ULK4: variants seen among roughly 807,000 people sequenced by gnomAD.
ULK4 encodes the protein inactive serine/threonine-protein kinase ULK4.
In ULK4, 133 loss-of-function variants were observed where a neutral mutation model predicts 160.6. The observed-to-expected ratio is 0.83, with a 90% confidence interval of 0.72 to 0.96. The LOEUF is 0.96. ULK4 is among the 40% of genes least tolerant of loss of function. The probability of loss-of-function intolerance (pLI) is 0.00; values close to 1 mark genes in which losing one functional copy is unlikely to be tolerated. For missense variants in ULK4, 1,580 were observed against 1,499.5 expected (o/e 1.05, Z -0.89); for synonymous variants, 534 against 539.8 (o/e 0.99, Z 0.15).
At chr3:41,820,037 G>T (rs1434805666) in intron 18 of ULK4, among the ~76,000 whole-genome samples, 1 of 152,052 alleles carries the variant, frequency 6.6e-6, no homozygotes, top group Non-Finnish European at 1.5e-5. Flanking sequence ...TTCTCTCCCA[G>T]AAGATTAACC....
chr3:41,279,407 C>G (rs142483918), intron 35 of ULK4, among the ~76,000 whole-genome samples: 2 of 152,262 alleles, frequency 1.3e-5, no homozygotes, highest in East Asian at 3.9e-4. Flanking sequence ...TCCAGTAGAA[C>G]TTCCCCAACC....
chr3:41,774,174 T>C (rs1422824926), intron 21 of ULK4, among the ~76,000 whole-genome samples: 118 of 152,196 alleles, frequency 7.8e-4, no homozygotes, highest in African/African-American at 2.4e-3. Flanking sequence ...AAGGACTTCA[T>C]GTCTAAAACA....
chr3:41,833,646 T>C (rs2041666113), intron 18 of ULK4, among the ~76,000 whole-genome samples: 1 of 152,156 alleles, frequency 6.6e-6, no homozygotes, highest in African/African-American at 2.4e-5. Context: ...CATTCATGAT[T>C]TGGCTCTCTG....
intron 35 of ULK4, among the ~76,000 whole-genome samples, chr3:41,267,979 C>T (rs1260959060): frequency 6.6e-6 from 1 of 152,190 alleles, no homozygotes; most frequent in African/African-American, 2.4e-5. Context: ...CTTCATGGCA[C>T]AGCCGACTAC....
chr3:41,323,774 G>C (rs184804382), intron 35 of ULK4, among the ~76,000 whole-genome samples: 256 of 152,142 alleles, frequency 1.7e-3, no homozygotes, highest in Non-Finnish European at 3.2e-3. Context: ...TGTTTCTATT[G>C]AGTCAACAGA....
At chr3:41,323,721 T>C (rs891214346) in intron 35 of ULK4, among the ~76,000 whole-genome samples, 3 of 151,896 alleles carry the variant, frequency 2.0e-5, no homozygotes, top group African/African-American at 7.3e-5. Flanking sequence ...TGCTTACAGA[T>C]GGAGTAAAAA....
At chr3:41,698,891 T>C (rs866774615) in intron 27 of ULK4, among the ~76,000 whole-genome samples, 1 of 152,186 alleles carries the variant, frequency 6.6e-6, no homozygotes, top group South Asian at 2.1e-4. Flanking sequence ...AGTGGAATCA[T>C]GGTATTTCGT....
At chr3:41,379,932 CTGAT>C (rs375293222) in intron 35 of ULK4, among the ~76,000 whole-genome samples, 38 of 152,212 alleles carry the variant, frequency 2.5e-4, no homozygotes, top group Middle Eastern at 3.4e-3. Context: ...CCCAGGAAGT[CTGAT>C]TGATTAGGGA....
intron 12 of ULK4, among the ~76,000 whole-genome samples, chr3:41,901,500 A>AT (rs1698362670): frequency 1.3e-4 from 1 of 7,582 alleles, no homozygotes; most frequent in Non-Finnish European, 1.8e-3. Flanking sequence ...TTTTTTTTTG[A>AT]GATAGAGTCT....
rs540577673 is a variant in ULK4, at chr3:41,610,621, T to G, written c.3120+5048A>C. On this transcript the variant is annotated intron_variant, in intron 31 of 36. Transcript: ENST00000301831. ...TCAAGGGTCCATAAAGAGACTCTTT[T>G]CTAAAAATACAGTTGACTTGAAAGA... Among the ~76,000 whole-genome samples the G allele has an allele frequency of 2.6e-5, 4 of 152,328 alleles. No homozygotes were observed. The South Asian group carries it at 8.3e-4, about 32-fold the overall frequency.
chr3:41,849,963 C>G (rs1224805976), intron 17 of ULK4, among the ~76,000 whole-genome samples: 1 of 152,076 alleles, frequency 6.6e-6, no homozygotes, highest in Non-Finnish European at 1.5e-5. Context: ...CCCTTCCCCT[C>G]CCCGCACCCC....
At chr3:41,903,240 A>T (rs951536193) in intron 12 of ULK4, among the ~76,000 whole-genome samples, 1 of 152,208 alleles carries the variant, frequency 6.6e-6, no homozygotes, top group African/African-American at 2.4e-5. Flanking sequence ...AGATAATATA[A>T]CTGAACATCC....
intron 21 of ULK4, among the ~76,000 whole-genome samples, chr3:41,776,575 G>A (rs1482648801): frequency 6.8e-6 from 1 of 146,496 alleles, no homozygotes; most frequent in Non-Finnish European, 1.5e-5. Context: ...GTTTAAAAAG[G>A]TACAAAATGA....
chr3:41,294,141 C>T (rs999413000), intron 35 of ULK4, among the ~76,000 whole-genome samples: 39 of 152,276 alleles, frequency 2.6e-4, no homozygotes, highest in African/African-American at 9.4e-4. Context: ...GGAGATGGGG[C>T]CTAATGGGAG....
intron 35 of ULK4, among the ~76,000 whole-genome samples, chr3:41,373,205 A>G (rs2081407458): frequency 6.6e-6 from 1 of 152,148 alleles, no homozygotes; most frequent in African/African-American, 2.4e-5. Flanking sequence ...GTGACACCCC[A>G]CTGTCAATAT....
intron 32 of ULK4, among the ~76,000 whole-genome samples, chr3:41,497,526 T>C (rs1027135104): frequency 7.9e-5 from 12 of 152,148 alleles, no homozygotes; most frequent in Admixed American, 6.5e-4. Flanking sequence ...CAAAATGTAT[T>C]CTTGCAAATT....
At chr3:41,487,755 C>T (rs569273814) in intron 32 of ULK4, among the ~76,000 whole-genome samples, 19 of 152,226 alleles carry the variant, frequency 1.2e-4, no homozygotes, top group African/African-American at 4.3e-4. Context: ...GAAGGCATAA[C>T]AGAAAACAAT....
chr3:41,831,367 A>T (rs1433619537), intron 18 of ULK4, among the ~76,000 whole-genome samples: 1 of 150,658 alleles, frequency 6.6e-6, no homozygotes, highest in South Asian at 2.1e-4. Context: ...AAATATATCT[A>T]TGTTAATTAT....
At chr3:41,733,429 G>T (rs1424652136) in intron 22 of ULK4, among the ~76,000 whole-genome samples, 1 of 152,044 alleles carries the variant, frequency 6.6e-6, no homozygotes, top group East Asian at 1.9e-4. Context: ...ATGCTGTGGT[G>T]ACACTTCAAT....
Sources: gnomAD v4.1 joint callset for allele counts (sites outside exome capture counted in the v4.1 genomes callset) on GRCh38, gnomAD v4.1.1 for gene constraint, MANE v1.5 for transcripts, NCBI Gene and HGNC (gene_info 2026-07-23, HGNC 2026-07-21) for gene names.